The following MED12L variants were observed in gnomAD, a reference collection of about 807,000 sequenced individuals.
MED12L encodes the protein mediator of RNA polymerase II transcription subunit 12-like protein.
Under a neutral mutation model 281.3 loss-of-function variants are expected in MED12L, and 60 were observed. The observed-to-expected ratio is 0.21, with a 90% CI of 0.17 to 0.26. MED12L has a LOEUF of 0.26. Ranked by LOEUF, MED12L falls within the 10% of genes least tolerant of loss-of-function variation. MED12L has a pLI of 1.00. For missense variants in MED12L, 2,146 were observed against 2,680.9 expected, an observed-to-expected ratio of 0.80 and a Z score of 4.41; for synonymous variants, 974 against 987.2, an observed-to-expected ratio of 0.99 and a Z score of 0.25.
At position 151,213,337 on chromosome 3, in the gene MED12L, C is replaced by T. The variant is rs370358626; in HGVS notation, c.2250+19671C>T. ...TGTGCTTTCAAGTGTTGTATTTCCT[C>T]TTTTGATTCTGGAAATGTCTAGGTC... On this transcript the variant is annotated intron_variant, in intron 16 of 44. Coordinates refer to ENST00000687756, the MANE Select transcript of MED12L (RefSeq NM_001393769.1). 23 of 1,612,372 alleles carry T rather than the reference C, an allele frequency of 1.4e-5. No individual in the cohort carries two copies. In the African/African-American group the frequency reaches 2.9e-4, roughly 21 times the overall value.
chr3:151,233,478 A>T (rs1198012861), intron 16 of MED12L, among the ~76,000 whole-genome samples: 1 of 152,248 alleles, frequency 6.6e-6, no homozygotes, highest in Non-Finnish European at 1.5e-5. Context: ...TCCCGCCTGT[A>T]ATCCCAACAC....
intron 16 of MED12L, among the ~76,000 whole-genome samples, chr3:151,248,652 G>T (rs192641740): frequency 6.6e-6 from 1 of 151,954 alleles, no homozygotes; most frequent in African/African-American, 2.4e-5. Context: ...AGGAAATCAT[G>T]CCTTATCAAA....
At chr3:151,206,240 T>C (rs1293422448) in intron 16 of MED12L, among the ~76,000 whole-genome samples, 32 of 152,130 alleles carry the variant, frequency 2.1e-4, no homozygotes, top group Admixed American at 2.0e-3. Flanking sequence ...TGTTACTGTT[T>C]CTGTATTATT....
chr3:151,359,733 G>A (rs746069924), intron 20 of MED12L, among the ~76,000 whole-genome samples: 2 of 152,048 alleles, frequency 1.3e-5, no homozygotes, highest in Non-Finnish European at 2.9e-5. Flanking sequence ...CTGTGACTCC[G>A]TTAGTGTAAT....
intron 16 of MED12L, among the ~76,000 whole-genome samples, chr3:151,231,814 C>T (rs1472838614): frequency 3.3e-5 from 5 of 151,910 alleles, no homozygotes; most frequent in African/African-American, 1.2e-4. Flanking sequence ...TGTGGTTAAG[C>T]GAGAGAGTAT....
intron 16 of MED12L, among the ~76,000 whole-genome samples, chr3:151,236,244 T>C (rs867908170): frequency 6.6e-6 from 1 of 152,252 alleles, no homozygotes; most frequent in Non-Finnish European, 1.5e-5. Flanking sequence ...TTTCCTTAAC[T>C]GTCAAATGAT....
chr3:151,086,880 G>T lies in MED12L; in HGVS notation c.-47G>T. On this transcript the variant is annotated 5_prime_UTR_variant, in exon 2 of 45. Transcript: ENST00000687756. ...TGCTCCCTGGTGCTCAGAGGCGGCT[G>T]CTCCAGCTCCAACTCTCATTCATTT... 1 of 1,473,136 alleles carries T rather than the reference G, an allele frequency of 6.8e-7. No homozygotes were observed. Among genetic ancestry groups the T allele is most frequent in the Non-Finnish European group, 9.2e-7 (1 of 1,085,254 alleles). The allele number at this position is 1,473,136 out of a possible 1,614,324, so 91.3% of individuals were successfully genotyped here.
chr3:151,254,151 TA>T (rs1737376366), intron 16 of MED12L, among the ~76,000 whole-genome samples: 1 of 152,204 alleles, frequency 6.6e-6, no homozygotes, highest in Non-Finnish European at 1.5e-5. Context: ...TCCTTTTATC[TA>T]TTTTTAGGTA....
chr3:151,415,094 A>G (rs1187024810), intron 42 of MED12L, among the ~76,000 whole-genome samples: 1 of 152,208 alleles, frequency 6.6e-6, no homozygotes, highest in Non-Finnish European at 1.5e-5. Context: ...AAGTTACCAC[A>G]TTATTTGTTT....
intron 38 of MED12L, 129 bp from the exon 39 acceptor site, chr3:151,394,527 G>A: frequency 7.1e-7 from 1 of 1,401,658 alleles, no homozygotes; most frequent in Non-Finnish European, 9.7e-7. Flanking sequence ...TGGCAGGTGG[G>A]ACAGTGCATT....
intron 16 of MED12L, among the ~76,000 whole-genome samples, chr3:151,195,187 G>A (rs936417785): frequency 6.6e-6 from 1 of 152,088 alleles, no homozygotes; most frequent in Non-Finnish European, 1.5e-5. Flanking sequence ...AATTGTAGAT[G>A]TATTACGTTA....
intron 16 of MED12L, among the ~76,000 whole-genome samples, chr3:151,304,270 A>G (rs983987650): frequency 1.3e-5 from 2 of 152,180 alleles, no homozygotes; most frequent in Admixed American, 6.5e-5. Context: ...ATATCATTCA[A>G]TGTCTGGCAT....
intron 6 of MED12L, among the ~76,000 whole-genome samples, chr3:151,158,480 C>T (rs1419155806): frequency 6.6e-6 from 1 of 151,308 alleles, no homozygotes; most frequent in East Asian, 1.9e-4. Context: ...GAATTTTTCT[C>T]AATTTGGAGC....
intron 16 of MED12L, among the ~76,000 whole-genome samples, chr3:151,232,356 A>G (rs1022882316): frequency 7.2e-5 from 11 of 152,104 alleles, no homozygotes; most frequent in African/African-American, 2.7e-4. Context: ...AGCATCTGTT[A>G]TTTTTTGACT....
chr3:151,283,393 T>G (rs1743066817), intron 16 of MED12L, among the ~76,000 whole-genome samples: 2 of 152,210 alleles, frequency 1.3e-5, no homozygotes, highest in African/African-American at 4.8e-5. Flanking sequence ...AACAAAAACT[T>G]TTGTATGTGT....
intron 16 of MED12L, among the ~76,000 whole-genome samples, chr3:151,270,421 T>C (rs1324286310): frequency 6.6e-6 from 1 of 152,162 alleles, no homozygotes; most frequent in Non-Finnish European, 1.5e-5. Flanking sequence ...ATGGATTTAA[T>C]ACCACTGAAC....
rs184228673 is a variant in MED12L, at chr3:151,290,723, G to C, written c.2251-59336G>C. Among the ~76,000 whole-genome samples the C allele has an allele frequency of 3.7e-3, 568 of 151,854 alleles. 3 individuals are homozygous for C. The highest frequency in any genetic ancestry group is 0.013 in the African/African-American group (551 of 41,380). ...TTTCCATATTACACTGAACTAGGCA[G>C]CTGCAGGATACACATTTGTATACAT... On this transcript the variant is annotated intron_variant, in intron 16 of 44. Transcript: ENST00000687756.
rs1371258669 is a variant in MED12L at position 151,103,790 on chromosome 3, CTG to C, written c.100-12545_100-12544del. On this transcript the variant is annotated intron_variant, in intron 2 of 44. Coordinates refer to ENST00000687756, the MANE Select transcript of MED12L (RefSeq NM_001393769.1). ...CCAGTTTAAGTTTGTTGGAATCACA[CTG>C]TGCTCTCCTCAAAGATTTCACTGTC... Among the ~76,000 whole-genome samples, 4 of 152,154 alleles carry C rather than the reference CTG, an allele frequency of 2.6e-5. No homozygotes were observed. The East Asian group carries it at 5.8e-4, about 22-fold the overall frequency.
chr3:151,307,992 C>T (rs1746944622), intron 16 of MED12L, among the ~76,000 whole-genome samples: 1 of 152,148 alleles, frequency 6.6e-6, no homozygotes, highest in South Asian at 2.1e-4. Flanking sequence ...TGAGCCTCCT[C>T]ATCTATGAAA....
Sources: allele counts gnomAD v4.1 joint callset (sites outside exome capture counted in the v4.1 genomes callset), GRCh38; gene constraint gnomAD v4.1.1; transcripts MANE v1.5; gene names NCBI Gene and HGNC (gene_info 2026-07-23, HGNC 2026-07-21).